The following SLAMF7 variants were observed in gnomAD, a reference collection of about 807,000 sequenced individuals.
SLAMF7 encodes SLAM family member 7, also known as 19A24 protein.
SLAMF7 carries 26 observed loss-of-function variants against 34.1 expected under a neutral mutation model. The observed-to-expected ratio is 0.76, with a 90% confidence interval of 0.56 to 1.06. The LOEUF (loss-of-function observed/expected upper bound fraction) is 1.06, where lower values mean the gene tolerates loss of function less well. Among genes scored for constraint, SLAMF7 ranks in the 50% least tolerant of loss-of-function variants. The pLI is 0.00. For missense variants in SLAMF7, 399 were observed against 402.5 expected, an observed-to-expected ratio of 0.99 and a Z score of 0.07; for synonymous variants, 171 against 156.4, an observed-to-expected ratio of 1.09 and a Z score of -0.70.
Position 160,748,177 on chromosome 1 carries a change from G to A in SLAMF7, c.56-17G>A. 6.2e-7 allele frequency: 1 copy of A among 1,610,066 alleles called. No homozygotes were observed. Among genetic ancestry groups the A allele is most frequent in the Non-Finnish European group, 8.5e-7 (1 of 1,177,678 alleles). On this transcript the variant is annotated splice_polypyrimidine_tract_variant and intron_variant, in intron 1 of 6. Transcript: ENST00000368043. Reference sequence around the variant, plus strand: ...GACAGGGAATCAGGCTTATTTTATGGTTCTCTGTGTTTATAGGGTCAGCAG... The same window carrying A: ...GACAGGGAATCAGGCTTATTTTATGATTCTCTGTGTTTATAGGGTCAGCAG...
At chr1:160,744,539 G>A (rs933915042) in intron 1 of SLAMF7, among the ~76,000 whole-genome samples, 3 of 152,178 alleles carry the variant, frequency 2.0e-5, no homozygotes, top group Non-Finnish European at 2.9e-5. Flanking sequence ...TATCCCACAC[G>A]AGTCATGTCC....
chr1:160,750,369 A>G lies in SLAMF7; in HGVS notation c.715A>G (p.Ser239Gly). 1 of 1,614,066 alleles carries G rather than the reference A, an allele frequency of 6.2e-7. No homozygotes were observed. The highest frequency in any genetic ancestry group is 8.5e-7 in the Non-Finnish European group (1 of 1,179,942). ...TCTCCTGTTGGTGCCCCTCCTGCTC[A>G]GTCTCTTTGTACTGGGGCTATTTCT... ...LCLLLVPLLL[S>G]LFVLGLFLWF... The change falls in exon 4 of 7, where the codon AGT (serine) becomes GGT (glycine). Residue 239 changes from serine (S) to glycine (G), a missense_variant. Physicochemically the swap from Ser to Gly is moderately conservative, Grantham distance 56. Coordinates refer to ENST00000368043, the MANE Select transcript of SLAMF7 (RefSeq NM_021181.5).
chr1:160,751,645 A>G (rs1664594827), intron 5 of SLAMF7, 197 bp downstream of exon 5: 1 of 528,742 alleles, frequency 1.9e-6, no homozygotes, highest in Admixed American at 3.4e-5. Context: ...TCTCTGGAGC[A>G]CCTGGTTCTG....
At chr1:160,741,411 G>A (rs1254471796) in intron 1 of SLAMF7, among the ~76,000 whole-genome samples, 1 of 152,160 alleles carries the variant, frequency 6.6e-6, no homozygotes, top group East Asian at 1.9e-4. Context: ...TAGAGTGATG[G>A]GAAAGGTGTG....
rs11581248 is a variant in SLAMF7 at position 160,750,284 on chromosome 1, C to T, written c.650-20C>T. 184,589 of 1,612,124 alleles carry T rather than the reference C, an allele frequency of 0.11. 12,177 individuals carry two copies. The highest frequency in any genetic ancestry group is 0.14 in the Non-Finnish European group (160,798 of 1,179,100). On this transcript the variant is annotated intron_variant, in intron 3 of 6. Transcript: ENST00000368043. Reference sequence around the variant, plus strand: ...AGCTGACTTTTCTCCCTTCCCTGTGCCTCCACCCATTCTCTGAAGGTGCTG... The same window carrying T: ...AGCTGACTTTTCTCCCTTCCCTGTGTCTCCACCCATTCTCTGAAGGTGCTG...
chr1:160,739,234 G>C (rs1488036455), upstream of SLAMF7: 17 of 1,373,110 alleles, frequency 1.2e-5, no homozygotes, highest in Non-Finnish European at 1.8e-5. Context: ...TATCAGCTGG[G>C]GAAGAGGTCT....
chr1:160,751,801 A>G (rs1292383954), intron 5 of SLAMF7: 1 of 159,886 alleles, frequency 6.3e-6, no homozygotes, highest in Non-Finnish European at 1.3e-5. Context: ...ATGGTATCAG[A>G]AGACTTCTCT....
rs145651074 is a variant in SLAMF7 at position 160,748,692 on chromosome 1, T to C, written c.376+178T>C. Among the ~76,000 whole-genome samples, 151 of 152,318 alleles carry C rather than the reference T, an allele frequency of 9.9e-4. 1 individual carries two copies. The highest frequency in any genetic ancestry group is 3.4e-3 in the African/African-American group (141 of 41,572). On this transcript the variant is annotated intron_variant, in intron 2 of 6. Transcript: ENST00000368043. ...TGAGGTCCCTGCCTACTCAGAGATG[T>C]TGTAAGAAGCAGCGTGGTGCAGTGG...
intron 1 of SLAMF7, among the ~76,000 whole-genome samples, chr1:160,746,973 T>A (rs1436470253): frequency 2.0e-5 from 3 of 152,134 alleles, no homozygotes; most frequent in African/African-American, 7.2e-5. Flanking sequence ...TGAGAACAAG[T>A]AAAATCAAAA....
chr1:160,740,098 G>A (rs570952653), intron 1 of SLAMF7, among the ~76,000 whole-genome samples: 12 of 152,254 alleles, frequency 7.9e-5, no homozygotes, highest in African/African-American at 2.9e-4. Flanking sequence ...TTCATTATGT[G>A]TATCTGAGCC....
At chr1:160,752,336 A>T in intron 6 of SLAMF7, 88 bp downstream of exon 6, 1 of 1,008,458 alleles carries the variant, frequency 9.9e-7, no homozygotes, top group Non-Finnish European at 1.5e-6. Context: ...GGACCCAGGT[A>T]TCTCATACTC....
chr1:160,751,208 A>C (rs965805517), intron 4 of SLAMF7, 137 bp from the exon 5 acceptor site: 1 of 680,870 alleles, frequency 1.5e-6, no homozygotes, highest in Non-Finnish European at 2.7e-6. Context: ...AAAGTCCTCT[A>C]TCCTGAAAAC....
rs34204394 is a variant in SLAMF7 at position 160,753,679 on chromosome 1, TA to T, written c.*505del. ...AAAATGGATGTATTAATTGGCTCTA[TA>T]AACTATGTGCCCAGCACTATGCTGA... On this transcript the variant is annotated 3_prime_UTR_variant, in exon 7 of 7. Transcript: ENST00000368043. 3 of 167,172 alleles carry T rather than the reference TA, an allele frequency of 1.8e-5. No homozygotes were observed. Among genetic ancestry groups the T allele is most frequent in the Non-Finnish European group, 3.9e-5 (3 of 77,216 alleles). 10.4% of individuals were successfully genotyped at this position (167,172 alleles called of 1,614,324 possible).
chr1:160,749,799 C>T (rs375886254), intron 2 of SLAMF7, 22 bp from the exon 3 acceptor site: 1 of 1,550,674 alleles, frequency 6.4e-7, no homozygotes, highest in African/African-American at 1.4e-5. Flanking sequence ...GTTTCCACCT[C>T]TGGTTTTCCT....
At chr1:160,750,679 C>T in intron 4 of SLAMF7, 1 of 369,232 alleles carries the variant, frequency 2.7e-6, no homozygotes, top group Non-Finnish European at 5.0e-6. Context: ...TTCTCTCCTT[C>T]TCCCAGAGGG....
rs1157420820 is a variant in SLAMF7 at position 160,753,471 on chromosome 1, G to A, written c.*294G>A. On this transcript the variant is annotated 3_prime_UTR_variant, in exon 7 of 7. Transcript: ENST00000368043. The stretch of plus-strand genomic sequence containing the variant: ...TGCTTAGAAGTATTCCTATAAAAAT[G>A]TAAATGCAAGGTCACACATATTAAT... The A allele has an allele frequency of 8.2e-6, 3 of 367,362 alleles. No individual in the cohort carries two copies. The highest frequency in any genetic ancestry group is 4.2e-5 in the Admixed American group (1 of 23,638). 22.8% of individuals were successfully genotyped at this position (367,362 alleles called of 1,614,324 possible).
chr1:160,744,374 G>A (rs967746679), intron 1 of SLAMF7, among the ~76,000 whole-genome samples: 2 of 152,074 alleles, frequency 1.3e-5, no homozygotes, highest in African/African-American at 4.8e-5. Context: ...ATGGCATGGA[G>A]CTACTGTTTT....
At chr1:160,742,338 C>T (rs1558052544) in intron 1 of SLAMF7, among the ~76,000 whole-genome samples, 1 of 152,216 alleles carries the variant, frequency 6.6e-6, no homozygotes, top group African/African-American at 2.4e-5. Context: ...GCTCCCTCCA[C>T]CTTCAAAGGC....
intron 5 of SLAMF7, 48 bp downstream of exon 5, chr1:160,751,496 T>G: frequency 1.3e-5 from 20 of 1,482,436 alleles, no homozygotes; most frequent in Non-Finnish European, 1.9e-5. Flanking sequence ...TCTCTGAGGC[T>G]CTCCTTGTGA....
Sources: allele counts gnomAD v4.1 joint callset (sites outside exome capture counted in the v4.1 genomes callset), GRCh38; gene constraint gnomAD v4.1.1; transcripts MANE v1.5; gene names NCBI Gene and HGNC (gene_info 2026-07-23, HGNC 2026-07-21).